Variants in STX8 observed in about 807,000 individuals in gnomAD.
The protein encoded by STX8 is syntaxin-8.
In STX8, 23 loss-of-function variants were observed where a neutral mutation model predicts 37.5. That is an observed-to-expected ratio of 0.61 (90% CI 0.44 to 0.87). The LOEUF (loss-of-function observed/expected upper bound fraction) is 0.87, where lower values mean the gene tolerates loss of function less well. STX8 is among the 40% of genes least tolerant of loss of function. STX8 has a pLI of 0.00. For synonymous variants in STX8, 115 were observed against 99.1 expected, an observed-to-expected ratio of 1.16 and a Z score of -0.95; for missense variants, 313 against 284.7, an observed-to-expected ratio of 1.10 and a Z score of -0.71.
At chr17:9,375,852 AAAAG>A in intron 7 of STX8, among the ~76,000 whole-genome samples, 1 of 152,288 alleles carries the variant, frequency 6.6e-6, no homozygotes, top group Middle Eastern at 3.4e-3. Flanking sequence ...AAATCGTGGC[AAAAG>A]GGAGTTTAGG....
chr17:9,252,901 G>C (rs1906641449), intron 7 of STX8, among the ~76,000 whole-genome samples: 1 of 145,976 alleles, frequency 6.9e-6, no homozygotes, highest in South Asian at 2.2e-4. Context: ...TATTTGTAGA[G>C]GGTTGTCAAA....
chr17:9,355,359 T>C (rs923585208), intron 7 of STX8, among the ~76,000 whole-genome samples: 6 of 141,926 alleles, frequency 4.2e-5, no homozygotes, highest in Non-Finnish European at 9.1e-5. Flanking sequence ...TTTTGAGACA[T>C]GGTCTCACCC....
chr17:9,289,861 G>C (rs1348169552), intron 7 of STX8, among the ~76,000 whole-genome samples: 5 of 152,036 alleles, frequency 3.3e-5, no homozygotes, highest in African/African-American at 1.2e-4. Flanking sequence ...GCATGAGAAA[G>C]GAGATCTAAT....
At chr17:9,444,209 C>CA (rs1375173506) in intron 6 of STX8, among the ~76,000 whole-genome samples, 11 of 152,158 alleles carry the variant, frequency 7.2e-5, no homozygotes, top group Non-Finnish European at 1.3e-4. Context: ...AGGCTGGTCT[C>CA]AAACTCCTGC....
intron 6 of STX8, among the ~76,000 whole-genome samples, chr17:9,382,424 C>G (rs1168604089): frequency 6.6e-6 from 1 of 151,998 alleles, no homozygotes; most frequent in Non-Finnish European, 1.5e-5. Flanking sequence ...GGGTATCACG[C>G]AAGATTTTTT....
intron 7 of STX8, among the ~76,000 whole-genome samples, chr17:9,350,017 C>T (rs1034714931): frequency 3.9e-5 from 6 of 152,142 alleles, no homozygotes; most frequent in Admixed American, 2.0e-4. Context: ...GGATTACAGG[C>T]GTGATTGTCC....
chr17:9,559,394 G>A (rs528504083), intron 2 of STX8, among the ~76,000 whole-genome samples: 8 of 151,890 alleles, frequency 5.3e-5, no homozygotes, highest in Admixed American at 1.3e-4. Flanking sequence ...TCAACAAGTA[G>A]AAATTATTCT....
chr17:9,286,351 T>G (rs998228273), intron 7 of STX8, among the ~76,000 whole-genome samples: 2 of 152,204 alleles, frequency 1.3e-5, no homozygotes, highest in African/African-American at 4.8e-5. Flanking sequence ...CACACAATTA[T>G]TTTGGCTTTG....
At chr17:9,538,642 TATC>T (rs1906156355) in intron 4 of STX8, among the ~76,000 whole-genome samples, 1 of 152,228 alleles carries the variant, frequency 6.6e-6, no homozygotes, top group Admixed American at 6.5e-5. Flanking sequence ...GACGTTTCAT[TATC>T]ATCTTCTTTT....
At chr17:9,558,554 G>A (rs184491100) in intron 2 of STX8, among the ~76,000 whole-genome samples, 2 of 152,336 alleles carry the variant, frequency 1.3e-5, no homozygotes, top group East Asian at 3.9e-4. Context: ...AGAAAAGAGC[G>A]GCCGGGCGCG....
At chr17:9,341,422 C>T (rs1597614496) in intron 7 of STX8, among the ~76,000 whole-genome samples, 3 of 152,184 alleles carry the variant, frequency 2.0e-5, no homozygotes, top group East Asian at 3.9e-4. Flanking sequence ...GAGTAGTCGC[C>T]ACAAGACATG....
intron 3 of STX8, among the ~76,000 whole-genome samples, chr17:9,551,335 CATT>C (rs1357515626): frequency 6.6e-6 from 1 of 152,166 alleles, no homozygotes; most frequent in Non-Finnish European, 1.5e-5. Context: ...TTAATACCAT[CATT>C]GTTTGTGAGT....
intron 6 of STX8, among the ~76,000 whole-genome samples, chr17:9,430,657 T>A (rs867334813): frequency 0.057 from 8,547 of 150,190 alleles, 691 homozygotes; most frequent in African/African-American, 0.18. Context: ...GGCTTTTTTT[T>A]TTTTTTTTTT....
intron 7 of STX8, among the ~76,000 whole-genome samples, chr17:9,344,499 G>A (rs1438921589): frequency 1.3e-5 from 2 of 152,070 alleles, no homozygotes; most frequent in East Asian, 3.9e-4. Context: ...GACCTCAGGT[G>A]ATCTGCTCAC....
At chr17:9,424,019 C>T (rs969865498) in intron 6 of STX8, among the ~76,000 whole-genome samples, 25 of 152,162 alleles carry the variant, frequency 1.6e-4, no homozygotes, top group African/African-American at 4.6e-4. Flanking sequence ...GGTTTATCTA[C>T]GCATTCTGAT....
rs4063994 is a variant in STX8 at position 9,343,018 on chromosome 17, C to CA, written c.643+35533dup. 3.2e-3 allele frequency among the ~76,000 whole-genome samples: 358 copies of CA among 110,264 alleles called. 4 individuals carry two copies. Among genetic ancestry groups the CA allele is most frequent in the African/African-American group, 8.9e-3 (238 of 26,822 alleles). 72.3% of individuals were successfully genotyped at this position (110,264 alleles called of 152,430 possible). A position where few individuals can be genotyped will look rare whatever the true frequency, so the allele number is the denominator to read the frequency against. ...CCTGGTGACAAGAGTGAAACTGTCT[C>CA]AAAAAAAAAAAAAAAAAAAAAAAAA... is the stretch of plus-strand genomic sequence containing the variant. On this transcript the variant is annotated intron_variant, in intron 7 of 7. Transcript: ENST00000306357.
At chr17:9,474,345 C>T (rs1187712278) in intron 6 of STX8, among the ~76,000 whole-genome samples, 2 of 152,082 alleles carry the variant, frequency 1.3e-5, no homozygotes, top group East Asian at 3.9e-4. Context: ...GTTATCAAAT[C>T]CTGAAGGGGG....
chr17:9,309,131 A>G (rs1909103496), intron 7 of STX8, among the ~76,000 whole-genome samples: 1 of 152,176 alleles, frequency 6.6e-6, no homozygotes, highest in Non-Finnish European at 1.5e-5. Context: ...AACCTTCCCC[A>G]TTCTTCCAAA....
At chr17:9,290,790 C>T (rs1487421783) in intron 7 of STX8, among the ~76,000 whole-genome samples, 1 of 152,182 alleles carries the variant, frequency 6.6e-6, no homozygotes, top group Non-Finnish European at 1.5e-5. Flanking sequence ...CCAAAAGCTC[C>T]TGTTTGGAAA....
Sources: allele counts gnomAD v4.1 joint callset (sites outside exome capture counted in the v4.1 genomes callset), GRCh38; gene constraint gnomAD v4.1.1; transcripts MANE v1.5; gene names NCBI Gene and HGNC (gene_info 2026-07-23, HGNC 2026-07-21).